The following SRCAP variants were observed in gnomAD, a reference collection of about 807,000 sequenced individuals.
SRCAP encodes the protein Snf2 related CREBBP activator protein.
Under a neutral mutation model 263.1 loss-of-function variants are expected in SRCAP, and 46 were observed. That is an observed-to-expected ratio of 0.17 (90% confidence interval 0.14 to 0.22). SRCAP has a LOEUF of 0.22. SRCAP is among the 10% of genes least tolerant of loss of function. The probability of loss-of-function intolerance (pLI) is 1.00; values close to 1 mark genes in which losing one functional copy is unlikely to be tolerated. For synonymous variants in SRCAP, 1,813 were observed against 1,662.1 expected (o/e 1.09, Z -2.21); for missense variants, 3,695 against 4,181.9 (o/e 0.88, Z 3.21).
chr16:30,716,238 G>T, intron 17 of SRCAP, 36 bp downstream of exon 17: 2 of 1,613,594 alleles, frequency 1.2e-6, no homozygotes, highest in Non-Finnish European at 1.7e-6. Flanking sequence ...TGGGACTCGA[G>T]ATTGGAGTGT....
chr16:30,736,141 C>G, intron 31 of SRCAP, 59 bp from the exon 32 acceptor site: 1 of 1,596,640 alleles, frequency 6.3e-7, no homozygotes. Context: ...TGAATCAAAT[C>G]ACAGGATGTA....
Position 30,724,350 on chromosome 16 carries a change from A to G in SRCAP, c.4926A>G (p.Leu1642=). ...CATCGTCTACTCCAGGAACCTCTTTAGCCTCAGCTTCACCGGTACCAGCTC... is the reference window on the plus strand; with the variant it reads ...CATCGTCTACTCCAGGAACCTCTTTGGCCTCAGCTTCACCGGTACCAGCTC... ...MAPSSTPGTS[L]ASASPVPAPT... is the part of the protein sequence containing the mutation. Residue 1642 remains leucine (L), a synonymous_variant, in exon 25 of 34, where the codon TTA becomes TTG. Coordinates refer to ENST00000262518, the MANE Select transcript of SRCAP (RefSeq NM_006662.3). The G allele has an allele frequency of 1.2e-6, 2 of 1,614,006 alleles. No individual in the cohort carries two copies. The highest frequency in any genetic ancestry group is 1.7e-6 in the Non-Finnish European group (2 of 1,179,992).
intron 30 of SRCAP, 151 bp from the exon 31 acceptor site, chr16:30,734,345 A>C: frequency 8.1e-7 from 1 of 1,237,578 alleles, no homozygotes; most frequent in Non-Finnish European, 1.1e-6. Flanking sequence ...GTCTCAAAAA[A>C]GAAAAAACAA....
At position 30,738,886 on chromosome 16, in the gene SRCAP, C is replaced by T. The variant is rs2053189643; in HGVS notation, c.8846C>T (p.Pro2949Leu). 3.1e-6 allele frequency: 5 copies of T among 1,614,142 alleles called. No individual in the cohort carries two copies. In the East Asian group the frequency reaches 1.1e-4, roughly 36 times the overall value. Residue 2949 changes from proline to leucine, a missense_variant, in exon 34 of 34, where the codon CCC becomes CTC. This residue lies in a region of SRCAP where 1,207 missense variants were observed against 1,142.9 expected (regional missense o/e 1.06). Transcript: ENST00000262518. ...RGRPPKARDL[P>L]IPGTISSAGD... Reference sequence around the variant, plus strand: ...CGACCCCCTAAAGCACGAGATTTGCCCATCCCTGGGACCATTTCCTCTGCA... The same window carrying T: ...CGACCCCCTAAAGCACGAGATTTGCTCATCCCTGGGACCATTTCCTCTGCA...
In SRCAP at chr16:30,734,411, A is replaced by T. The variant is rs1024283284; in HGVS notation, c.6610-85A>T. Reference sequence around the variant, plus strand: ...GTCTTCAACCAGTGGTACCCCTGACAGTTCCAAGAACCATCAGCCTTACAG... The same window carrying T: ...GTCTTCAACCAGTGGTACCCCTGACTGTTCCAAGAACCATCAGCCTTACAG... On this transcript the variant is annotated intron_variant, in intron 30 of 33. Coordinates refer to ENST00000262518, the MANE Select transcript of SRCAP (RefSeq NM_006662.3). 3.1e-5 allele frequency: 49 copies of T among 1,565,014 alleles called. No individual in the cohort carries two copies. In the East Asian group the frequency reaches 4.5e-4, roughly 14 times the overall value.
intron 25 of SRCAP, among the ~76,000 whole-genome samples, chr16:30,727,085 C>T (rs1053516523): frequency 9.2e-5 from 14 of 152,090 alleles, no homozygotes; most frequent in Non-Finnish European, 1.6e-4. Flanking sequence ...GTGATCTGCC[C>T]GCCTCAGCCT....
intron 27 of SRCAP, among the ~76,000 whole-genome samples, chr16:30,730,338 C>CTTAAACCACAAGAGCATTT (rs11268096): frequency 1.7e-4 from 26 of 152,158 alleles, no homozygotes; most frequent in Admixed American, 1.2e-3. Flanking sequence ...AACTAACAGT[C>CTTAAACCACAAGAGCATTT]ATTGTTTTCT....
At chr16:30,718,053 TG>T (rs1687055922) in intron 18 of SRCAP, among the ~76,000 whole-genome samples, 1 of 151,942 alleles carries the variant, frequency 6.6e-6, no homozygotes, top group Non-Finnish European at 1.5e-5. Context: ...TTAATTTTTT[TG>T]TAGAGATGGG....
intron 13 of SRCAP, 42 bp from the exon 14 acceptor site, chr16:30,712,637 A>C: frequency 6.2e-7 from 1 of 1,613,202 alleles, no homozygotes; most frequent in South Asian, 1.1e-5. Flanking sequence ...AGAACCACAG[A>C]ATTTACATTT....
In SRCAP at chr16:30,720,726, G is replaced by C; in HGVS notation, c.3001G>C (p.Val1001Leu). The C allele has an allele frequency of 6.2e-7, 1 of 1,606,146 alleles. No homozygotes were observed. The change falls in exon 20 of 34, where the codon GTA (valine) becomes CTA (leucine). Residue 1001 changes from valine to leucine, a missense_variant. Around this residue, in one of 12 missense-constraint regions of SRCAP, gnomAD observed 1,347 missense variants for 1,304.4 expected, o/e 1.03. Transcript: ENST00000262518. ...TTTTTCTCACAGGATGCTGCAGCCA[G>C]TACCTAAGCAAGAAGGCCGGACAGT... ...KMKVNRMLQP[V>L]PKQEGRTVVV...
rs184402546 is a variant in SRCAP at position 30,736,862 on chromosome 16, G to A, written c.7009-187G>A. Among the ~76,000 whole-genome samples the A allele has an allele frequency of 1.8e-3, 278 of 151,806 alleles. 1 individual carries two copies. Among genetic ancestry groups the A allele is most frequent in the Admixed American group, 4.3e-3 (65 of 15,222 alleles). On this transcript the variant is annotated intron_variant, in intron 33 of 33. Transcript: ENST00000262518. ...TAATTTTTGTATTTTTAGTAGAGAC[G>A]GGGGTTTCACCATGTTGGCCAGGCT...
At chr16:30,706,013 C>T (rs1002760961) in intron 4 of SRCAP, among the ~76,000 whole-genome samples, 5 of 152,136 alleles carry the variant, frequency 3.3e-5, no homozygotes, top group African/African-American at 1.2e-4. Flanking sequence ...AAAAGTCCTC[C>T]AGATGATTCC....
Position 30,724,456 on chromosome 16 carries a change from A to G in SRCAP, c.5032A>G (p.Thr1678Ala), listed in dbSNP as rs774318394. 2 of 1,614,176 alleles carry G rather than the reference A, an allele frequency of 1.2e-6. No individual in the cohort carries two copies. Among genetic ancestry groups the G allele is most frequent in the Non-Finnish European group, 1.7e-6 (2 of 1,180,022 alleles). Residue 1678 changes from threonine (T) to alanine (A), a missense_variant, in exon 25 of 34, where the codon ACG (threonine) becomes GCG (alanine). Transcript: ENST00000262518. ...GTCACCTCTCCCGAGCCCGGCTTCT[A>G]CGCAGACACTGGCCCTAGCCCCAGC... ...VPSPLPSPASTQTLALAPALA... is the reference protein window; with the variant it reads ...VPSPLPSPASAQTLALAPALA...
chr16:30,713,479 G>A (rs2052913286), intron 15 of SRCAP, 40 bp from the exon 16 acceptor site: 1 of 1,611,442 alleles, frequency 6.2e-7, no homozygotes, highest in African/African-American at 1.3e-5. Context: ...TTGGGAGCTT[G>A]CTGACCATAC....
intron 25 of SRCAP, among the ~76,000 whole-genome samples, chr16:30,727,054 GT>G (rs1434581904): frequency 6.6e-6 from 1 of 152,092 alleles, no homozygotes; most frequent in Non-Finnish European, 1.5e-5. Flanking sequence ...TGCCACGCTG[GT>G]TTCGAATTCC....
At chr16:30,707,092 C>G in intron 4 of SRCAP, 91 bp from the exon 5 acceptor site, 1 of 1,335,974 alleles carries the variant, frequency 7.5e-7, no homozygotes. Flanking sequence ...GCATAACACA[C>G]TCAGCCCACT....
At position 30,707,148 on chromosome 16, in the gene SRCAP, T is replaced by C. The variant is rs769280246; in HGVS notation, c.307-35T>C. 3 of 1,610,168 alleles carry C rather than the reference T, an allele frequency of 1.9e-6. No homozygotes were observed. The African/African-American group carries it at 4.0e-5, about 22-fold the overall frequency. ...GTGGCAGTGAGATGGAGTGTGTGTT[T>C]AGAACTGTTGATTGATCTGGCTCTC... On this transcript the variant is annotated intron_variant, in intron 4 of 33. Transcript: ENST00000262518.
rs755157591 is a variant in SRCAP at position 30,736,304 on chromosome 16, T to C, written c.6834T>C (p.Pro2278=). ...LAEFNENDGF[P]AGEGEEAGRP... Reference sequence around the variant, plus strand: ...AATTTAATGAGAACGATGGGTTTCCTGCTGGTGAGGGAGAGGAAGCTGGCC... The same window carrying C: ...AATTTAATGAGAACGATGGGTTTCCCGCTGGTGAGGGAGAGGAAGCTGGCC... The change falls in exon 32 of 34, where the codon CCT becomes CCC. Residue 2278 remains proline, a synonymous_variant. Coordinates refer to ENST00000262518, the MANE Select transcript of SRCAP (RefSeq NM_006662.3). 31 of 1,614,182 alleles carry C rather than the reference T, an allele frequency of 1.9e-5. No individual in the cohort carries two copies. In the East Asian group the frequency reaches 6.9e-4, roughly 36 times the overall value.
intron 10 of SRCAP, among the ~76,000 whole-genome samples, 187 bp from the exon 11 acceptor site, chr16:30,711,384 C>T (rs1467274262): frequency 6.6e-6 from 1 of 152,316 alleles, no homozygotes; most frequent in South Asian, 2.1e-4. Context: ...TCCCAATTCC[C>T]ATGGTACTTC....
Sources: allele counts gnomAD v4.1 joint callset (sites outside exome capture counted in the v4.1 genomes callset), GRCh38; gene constraint gnomAD v4.1.1; regional missense constraint gnomAD v4.1.1; transcripts MANE v1.5; gene names NCBI Gene and HGNC (gene_info 2026-07-23, HGNC 2026-07-21).